OPRK1: variants seen among roughly 807,000 people sequenced by gnomAD.
OPRK1 encodes opioid receptor kappa 1.
OPRK1 carries 15 observed loss-of-function variants against 24.5 expected under a neutral mutation model. The observed-to-expected ratio is 0.61, with a 90% CI of 0.41 to 0.94. The LOEUF (loss-of-function observed/expected upper bound fraction) is 0.94, where lower values mean the gene tolerates loss of function less well. Ranked by LOEUF, OPRK1 falls within the 40% of genes least tolerant of loss-of-function variation. The pLI, the probability that OPRK1 is intolerant of heterozygous loss-of-function variation, is 0.00. For missense variants in OPRK1, 479 were observed against 507.3 expected (o/e 0.94, Z 0.54); for synonymous variants, 205 against 198.0 (o/e 1.04, Z -0.30).
At chr8:53,236,690 T>A (rs1807004941) in intron 2 of OPRK1, among the ~76,000 whole-genome samples, 1 of 152,188 alleles carries the variant, frequency 6.6e-6, no homozygotes. Flanking sequence ...AGGAGCCACA[T>A]GTTTCTAATG....
chr8:53,250,757 G>C, intron 2 of OPRK1, 24 bp downstream of exon 2: 1 of 1,586,320 alleles, frequency 6.3e-7, no homozygotes, highest in South Asian at 1.2e-5. Flanking sequence ...CCAGCCCCCA[G>C]CGCTGCGCTG....
chr8:53,251,043 G>A lies in OPRK1; in HGVS notation c.-6C>T. The A allele has an allele frequency of 1.3e-6, 2 of 1,515,294 alleles. No individual in the cohort carries two copies. The highest frequency in any genetic ancestry group is 1.8e-6 in the Non-Finnish European group (2 of 1,137,512). 93.9% of individuals were successfully genotyped at this position (1,515,294 alleles called of 1,614,324 possible). On this transcript the variant is annotated 5_prime_UTR_variant, in exon 2 of 4. Coordinates refer to ENST00000265572, the MANE Select transcript of OPRK1 (RefSeq NM_000912.5). ...ATCTGGATCGGGGAGTCCATGGTGG[G>A]GCGATTGCAGCAGGAAGGCGAGGAC...
At position 53,229,602 on chromosome 8, in the gene OPRK1, C is replaced by T. The variant is rs760832247; in HGVS notation, c.838G>A (p.Val280Met). The T allele has an allele frequency of 1.9e-6, 3 of 1,614,142 alleles. No homozygotes were observed. The highest frequency in any genetic ancestry group is 2.2e-5 in the South Asian group (2 of 91,074). ...RRITRLVLVVVAVFVVCWTPI... is the reference protein window; with the variant it reads ...RRITRLVLVVMAVFVVCWTPI... ...GTCCAGCAGACGACGAAGACTGCCA[C>T]CACCACCAGGACCAGTCTGGTGATC... Residue 280 changes from valine to methionine, a missense_variant, in exon 4 of 4, where the codon GTG (valine) becomes ATG (methionine). Transcript: ENST00000265572.
rs1159645777 is a variant in OPRK1 at position 53,226,839 on chromosome 8, C to T, written c.*2458G>A. On this transcript the variant is annotated 3_prime_UTR_variant, in exon 4 of 4. Coordinates refer to ENST00000265572, the MANE Select transcript of OPRK1 (RefSeq NM_000912.5). ...TAACAAGAATCAAGAAGCTTGGACA[C>T]CCCTTGTGGGCACATACAGCTACTA... The T allele has an allele frequency of 1.3e-5, 2 of 152,196 alleles. No individual in the cohort carries two copies. The highest frequency in any genetic ancestry group is 2.9e-5 in the Non-Finnish European group (2 of 68,042). The allele number at this position is 152,196 out of a possible 1,614,324, so 9.4% of individuals were successfully genotyped here. A position where few individuals can be genotyped will look rare whatever the true frequency, so the allele number is the denominator to read the frequency against.
rs1476476476 is a variant in OPRK1 at position 53,227,883 on chromosome 8, T to C, written c.*1414A>G. On this transcript the variant is annotated 3_prime_UTR_variant, in exon 4 of 4. Coordinates refer to ENST00000265572, the MANE Select transcript of OPRK1 (RefSeq NM_000912.5). ...CAGAGGATGCAGCCCTAGTAATATA[T>C]AGGCTTGGAGTGTTATTTCTAAATT... is the stretch of plus-strand genomic sequence containing the variant. 4 of 152,192 alleles carry C rather than the reference T, an allele frequency of 2.6e-5. No individual in the cohort carries two copies. The highest frequency in any genetic ancestry group is 4.4e-5 in the Non-Finnish European group (3 of 68,040). 9.4% of individuals were successfully genotyped at this position (152,192 alleles called of 1,614,324 possible).
At chr8:53,251,185 G>A in intron 1 of OPRK1, 100 bp from the exon 2 acceptor site, 1 of 1,283,808 alleles carries the variant, frequency 7.8e-7, no homozygotes, top group Non-Finnish European at 1.0e-6. Context: ...TCCCACCCGG[G>A]CCGCAAGTCG....
chr8:53,237,778 A>G (rs1807028148), intron 2 of OPRK1, among the ~76,000 whole-genome samples: 1 of 152,146 alleles, frequency 6.6e-6, no homozygotes, highest in Admixed American at 6.5e-5. Context: ...TGATTCTCGA[A>G]ACTACTGCCC....
intron 2 of OPRK1, among the ~76,000 whole-genome samples, chr8:53,242,055 G>A (rs1459182386): frequency 6.6e-6 from 1 of 152,214 alleles, no homozygotes; most frequent in Non-Finnish European, 1.5e-5. Context: ...GCTAATGACT[G>A]GCGTGCACTT....
At chr8:53,242,854 T>C (rs1468560827) in intron 2 of OPRK1, 13 of 1,282,196 alleles carry the variant, frequency 1.0e-5, no homozygotes, top group Non-Finnish European at 1.2e-5. Flanking sequence ...TTCACACCAG[T>C]CCCTTTGGGA....
Position 53,229,519 on chromosome 8 carries a change from A to C in OPRK1, c.921T>G (p.Ala307=), listed in dbSNP as rs1039439729. 20 of 1,614,106 alleles carry C rather than the reference A, an allele frequency of 1.2e-5. No homozygotes were observed. Among genetic ancestry groups the C allele is most frequent in the Non-Finnish European group, 1.7e-5 (20 of 1,180,046 alleles). ...EALGSTSHST[A]ALSSYYFCIA... ...TGCAGAAGTAATAGCTGGAGAGAGCAGCTGTGCTGTGGGAGGTGCTCCCCA... is the reference window on the plus strand; with the variant it reads ...TGCAGAAGTAATAGCTGGAGAGAGCCGCTGTGCTGTGGGAGGTGCTCCCCA... The change falls in exon 4 of 4, where the codon GCT becomes GCG. Residue 307 remains alanine, a synonymous_variant. Coordinates refer to ENST00000265572, the MANE Select transcript of OPRK1 (RefSeq NM_000912.5).
In OPRK1 at chr8:53,229,751, A is replaced by G. The variant is rs1806808582; in HGVS notation, c.689T>C (p.Val230Ala). The G allele has an allele frequency of 6.2e-7, 1 of 1,613,744 alleles. No individual in the cohort carries two copies. Among genetic ancestry groups the G allele is most frequent in the Non-Finnish European group, 8.5e-7 (1 of 1,179,856 alleles). ...AGGGATCACGAAGGCAAAGATGAAGACGCAGATCTTCATGAAGAGGTCCCA... is the reference window on the plus strand; with the variant it reads ...AGGGATCACGAAGGCAAAGATGAAGGCGCAGATCTTCATGAAGAGGTCCCA... The part of the protein sequence containing the change: ...SWWDLFMKIC[V>A]FIFAFVIPVL... The change falls in exon 4 of 4, where the codon GTC becomes GCC. Residue 230 changes from valine to alanine, a missense_variant. Physicochemically the swap from Val to Ala is moderately conservative, Grantham distance 64. Transcript: ENST00000265572.
intron 2 of OPRK1, among the ~76,000 whole-genome samples, chr8:53,243,525 C>T (rs1025688399): frequency 5.9e-5 from 9 of 152,224 alleles, no homozygotes; most frequent in African/African-American, 1.9e-4. Flanking sequence ...TTCTCACTTG[C>T]TCTCTTTCTC....
chr8:53,246,128 C>T (rs1417924699), intron 2 of OPRK1, among the ~76,000 whole-genome samples: 1 of 152,106 alleles, frequency 6.6e-6, no homozygotes, highest in East Asian at 1.9e-4. Flanking sequence ...TTTAGGAAAC[C>T]TCAGAGGAAG....
intron 2 of OPRK1, among the ~76,000 whole-genome samples, chr8:53,246,956 G>A (rs1291340613): frequency 3.3e-5 from 5 of 152,126 alleles, no homozygotes. Context: ...GGAGAATTAG[G>A]GTCAGATATA....
intron 2 of OPRK1, among the ~76,000 whole-genome samples, chr8:53,244,617 C>A (rs1425833773): frequency 6.6e-6 from 1 of 152,192 alleles, no homozygotes; most frequent in African/African-American, 2.4e-5. Flanking sequence ...AAACTAAGAC[C>A]AAGGATCAAA....
Position 53,250,664 on chromosome 8 carries a change from C to G in OPRK1, c.257+117G>C, listed in dbSNP as rs181255468. On this transcript the variant is annotated intron_variant, in intron 2 of 3. Transcript: ENST00000265572. ...ACCCTGTAGCATTTCCAGGATCCTT[C>G]ACGGAACAGAGTCCCCACCACCTGG... The G allele has an allele frequency of 5.2e-5, 57 of 1,100,202 alleles. No individual in the cohort carries two copies. The African/African-American group carries it at 9.0e-4, about 17-fold the overall frequency. The allele number at this position is 1,100,202 out of a possible 1,614,324, so 68.2% of individuals were successfully genotyped here.
chr8:53,250,702 A>G, intron 2 of OPRK1, 79 bp downstream of exon 2: 3 of 1,449,628 alleles, frequency 2.1e-6, no homozygotes, highest in Non-Finnish European at 2.8e-6. Flanking sequence ...GGCTGCCCCC[A>G]CTGCTGCTCC....
chr8:53,229,272 TGTAC>T lies in OPRK1; in HGVS notation c.*21_*24del. 1 of 1,593,110 alleles carries T rather than the reference TGTAC, an allele frequency of 6.3e-7. No individual in the cohort carries two copies. The highest frequency in any genetic ancestry group is 8.6e-7 in the Non-Finnish European group (1 of 1,167,686). ...TTGAACTCCTCTCTTCCCGAAGAAC[TGTAC>T]GAAGACATCTCCACGACTAGTCATA... On this transcript the variant is annotated 3_prime_UTR_variant, in exon 4 of 4. Coordinates refer to ENST00000265572, the MANE Select transcript of OPRK1 (RefSeq NM_000912.5).
rs1807366599 is a variant in OPRK1, at chr8:53,250,862, G to A, written c.176C>T (p.Pro59Leu). ...GGAGTAGACCGCCGTGATGATGACC[G>A]GGATGGCCGGGGAGATGTGCGCGGG... ...LEPAHISPAIPVIITAVYSVV... is the reference protein window; with the variant it reads ...LEPAHISPAILVIITAVYSVV... Residue 59 changes from proline (P) to leucine (L), a missense_variant, in exon 2 of 4, where the codon CCG becomes CTG. Pro to Leu is a moderately conservative substitution (Grantham distance 98, BLOSUM62 -3). Coordinates refer to ENST00000265572, the MANE Select transcript of OPRK1 (RefSeq NM_000912.5). The A allele has an allele frequency of 3.7e-6, 6 of 1,613,358 alleles. No individual in the cohort carries two copies. Among genetic ancestry groups the A allele is most frequent in the Non-Finnish European group, 5.1e-6 (6 of 1,179,716 alleles).
Sources: allele counts gnomAD v4.1 joint callset (sites outside exome capture counted in the v4.1 genomes callset), GRCh38; gene constraint gnomAD v4.1.1; transcripts MANE v1.5; gene names NCBI Gene and HGNC (gene_info 2026-07-23, HGNC 2026-07-21).